The following CHRFAM7A variants were observed in gnomAD, a reference collection of about 807,000 sequenced individuals.
The protein encoded by CHRFAM7A is CHRNA7-FAM7A fusion protein.
In CHRFAM7A, 3 loss-of-function variants were observed where a neutral mutation model predicts 29.2. The observed-to-expected ratio is 0.10, with a 90% CI of 0.05 to 0.27. The LOEUF (loss-of-function observed/expected upper bound fraction) is 0.27, where lower values mean the gene tolerates loss of function less well. CHRFAM7A is among the 10% of genes least tolerant of loss of function. The pLI, the probability that CHRFAM7A is intolerant of heterozygous loss-of-function variation, is 1.00. For synonymous variants in CHRFAM7A, 7 were observed against 135.4 expected, an observed-to-expected ratio of 0.05 and a Z score of 6.58; for missense variants, 22 against 328.0, an observed-to-expected ratio of 0.07 and a Z score of 7.21.
At chr15:30,389,494 G>A (rs1365498462) in intron 1 of CHRFAM7A, among the ~76,000 whole-genome samples, 2 of 9,036 alleles carry the variant, frequency 2.2e-4, no homozygotes, top group African/African-American at 5.1e-4. Flanking sequence ...GCAGTGGTGC[G>A]ATCTCAGCTC....
At chr15:30,375,927 GTTGAGTCGTGTGGGTGGT>G (rs2058926836) in intron 5 of CHRFAM7A, among the ~76,000 whole-genome samples, 61 of 20,772 alleles carry the variant, frequency 2.9e-3, no homozygotes, top group South Asian at 6.0e-3. Flanking sequence ...TGGTGTGTGT[GTTGAGTCGTGTGGGTGGT>G]ATGTGAGTGG....
At chr15:30,377,575 ATC>A (rs2058945693) in intron 4 of CHRFAM7A, among the ~76,000 whole-genome samples, 1 of 49,456 alleles carries the variant, frequency 2.0e-5, no homozygotes, top group Non-Finnish European at 5.8e-5. Context: ...TCACATATAT[ATC>A]TTTTTTTTTT....
intron 5 of CHRFAM7A, among the ~76,000 whole-genome samples, chr15:30,375,844 G>A (rs1158419408): frequency 8.3e-6 from 1 of 120,524 alleles, no homozygotes; most frequent in Admixed American, 7.9e-5. Flanking sequence ...GAGTCGTGTG[G>A]GTGGTATGTG....
chr15:30,392,232 T>C (rs796506117), intron 1 of CHRFAM7A, among the ~76,000 whole-genome samples: 131 of 1,722 alleles, frequency 0.076, 44 homozygotes, highest in African/African-American at 0.078. Context: ...CGGTGGCTGA[T>C]GCCTGTAATC....
intron 5 of CHRFAM7A, among the ~76,000 whole-genome samples, chr15:30,375,870 GGT>G (rs1280227197): frequency 4.5e-5 from 5 of 111,296 alleles, no homozygotes; most frequent in Non-Finnish European, 1.1e-4. Context: ...TTGTGTGAGT[GGT>G]GTGTGTGTTG....
intron 8 of CHRFAM7A, among the ~76,000 whole-genome samples, 153 bp downstream of exon 8, chr15:30,370,945 G>A (rs1263982819): frequency 6.6e-6 from 1 of 151,740 alleles, no homozygotes; most frequent in Non-Finnish European, 1.5e-5. Context: ...CTTGGGCCCG[G>A]GTGACTCTGA....
chr15:30,372,477 ATTAGCTTG>A, intron 6 of CHRFAM7A, 136 bp from the exon 7 acceptor site: 1 of 255,600 alleles, frequency 3.9e-6, no homozygotes. Flanking sequence ...GGGGGTTGTA[ATTAGCTTG>A]AATAAAACCT....
intron 8 of CHRFAM7A, among the ~76,000 whole-genome samples, chr15:30,370,823 C>T (rs1461710975): frequency 4.8e-5 from 7 of 145,714 alleles, no homozygotes; most frequent in East Asian, 4.1e-4. Context: ...GCATCTCTAA[C>T]GATGAAATAT....
At position 30,370,901 on chromosome 15, in the gene CHRFAM7A, T is replaced by G. The variant is rs201431802; in HGVS notation, c.610+197A>C. Among the ~76,000 whole-genome samples, 125 of 151,656 alleles carry G rather than the reference T, an allele frequency of 8.2e-4. No homozygotes were observed. In the East Asian group the frequency reaches 0.023, roughly 28 times the overall value. ...GGGGGGCATTTCTGTGAGATAAAAG[T>G]CAAACCTCAAAGCTGAATATCCCCT... On this transcript the variant is annotated intron_variant, in intron 8 of 9. Coordinates refer to ENST00000299847, the MANE Select transcript of CHRFAM7A (RefSeq NM_139320.2).
chr15:30,377,885 T>G (rs1226549816), intron 4 of CHRFAM7A, among the ~76,000 whole-genome samples: 1 of 138,508 alleles, frequency 7.2e-6, no homozygotes, highest in East Asian at 2.1e-4. Context: ...AAAGTTACAG[T>G]ATTACACTAT....
Position 30,383,388 on chromosome 15 carries a change from G to T in CHRFAM7A, c.-31-6C>A, listed in dbSNP as rs1567405991. 5.3e-6 allele frequency: 4 copies of T among 757,876 alleles called. No individual in the cohort carries two copies. The highest frequency in any genetic ancestry group is 7.3e-6 in the Non-Finnish European group (4 of 550,850). The allele number at this position is 757,876 out of a possible 1,614,324, so 46.9% of individuals were successfully genotyped here. On this transcript the variant is annotated splice_polypyrimidine_tract_variant and splice_region_variant and intron_variant, in intron 2 of 9. Transcript: ENST00000299847. The stretch of plus-strand genomic sequence containing the variant: ...GATGGTGGTTGTTTCATTATCTGTG[G>T]TTAAAAAAAAAAAAACTTTTGAGGC...
At chr15:30,377,550 C>T (rs1227835529) in intron 4 of CHRFAM7A, among the ~76,000 whole-genome samples, 8 of 125,180 alleles carry the variant, frequency 6.4e-5, no homozygotes, top group African/African-American at 2.4e-4. Context: ...AGCGGACCCA[C>T]ACTTGGTTTG....
At chr15:30,374,041 T>C (rs2058895216) in intron 5 of CHRFAM7A, among the ~76,000 whole-genome samples, 1 of 141,768 alleles carries the variant, frequency 7.1e-6, no homozygotes, top group African/African-American at 2.7e-5. Flanking sequence ...GCTGAAGAGA[T>C]GGTGCTTGAA....
At chr15:30,363,234 A>G (rs1427771510) in intron 9 of CHRFAM7A, among the ~76,000 whole-genome samples, 1 of 144,212 alleles carries the variant, frequency 6.9e-6, no homozygotes, top group Non-Finnish European at 1.5e-5. Context: ...ATTCGCAAAG[A>G]GTGTCTGGGG....
chr15:30,367,404 T>C lies in CHRFAM7A; in HGVS notation c.720+14A>G. ...AGCGGGGCTCCGACTCCATCGGGGGTGGGAGGAACGTACCCACTTGGGCAT... is the reference window on the plus strand; with the variant it reads ...AGCGGGGCTCCGACTCCATCGGGGGCGGGAGGAACGTACCCACTTGGGCAT... On this transcript the variant is annotated intron_variant, in intron 9 of 9. Transcript: ENST00000299847. 2 of 1,599,426 alleles carry C rather than the reference T, an allele frequency of 1.3e-6. No homozygotes were observed. Among genetic ancestry groups the C allele is most frequent in the Non-Finnish European group, 1.7e-6 (2 of 1,170,188 alleles).
chr15:30,376,225 G>A (rs1447136570), intron 5 of CHRFAM7A, among the ~76,000 whole-genome samples: 3 of 145,404 alleles, frequency 2.1e-5, no homozygotes, highest in Admixed American at 1.4e-4. Flanking sequence ...GTGTGTGTGA[G>A]TCGTATGTGT....
intron 9 of CHRFAM7A, among the ~76,000 whole-genome samples, chr15:30,363,171 A>C (rs1306140659): frequency 6.7e-6 from 1 of 148,242 alleles, no homozygotes; most frequent in South Asian, 2.1e-4. Flanking sequence ...GGACCTTCAG[A>C]TCTAACTCTG....
chr15:30,362,983 G>A (rs1349091822), intron 9 of CHRFAM7A, among the ~76,000 whole-genome samples, 172 bp from the exon 10 acceptor site: 3 of 151,170 alleles, frequency 2.0e-5, no homozygotes, highest in African/African-American at 7.4e-5. Flanking sequence ...ACAAGCAGTC[G>A]AGTTCAACGT....
At chr15:30,363,044 G>A (rs550440990) in intron 9 of CHRFAM7A, among the ~76,000 whole-genome samples, 65 of 151,630 alleles carry the variant, frequency 4.3e-4, no homozygotes, top group African/African-American at 8.3e-4. Flanking sequence ...ATTGTTCTCC[G>A]GGGCAGGCAC....
Sources: gnomAD v4.1 joint callset for allele counts (sites outside exome capture counted in the v4.1 genomes callset) on GRCh38, gnomAD v4.1.1 for gene constraint, MANE v1.5 for transcripts, NCBI Gene and HGNC (gene_info 2026-07-23, HGNC 2026-07-21) for gene names.